The following CD28 variants were observed in gnomAD, a reference collection of about 807,000 sequenced individuals.
CD28 encodes the protein T-cell-specific surface glycoprotein CD28.
In CD28, 8 loss-of-function variants were observed where a neutral mutation model predicts 21.4. The ratio of observed to expected loss-of-function variants is 0.37; its 90% confidence interval spans 0.22 to 0.68. CD28 has a LOEUF of 0.68. CD28 is among the 30% of genes least tolerant of loss of function. The pLI, the probability that CD28 is intolerant of heterozygous loss-of-function variation, is 0.55. For missense variants in CD28, 239 were observed against 272.2 expected (o/e 0.88, Z 0.86); for synonymous variants, 106 against 104.0 (o/e 1.02, Z -0.12).
intron 2 of CD28, among the ~76,000 whole-genome samples, chr2:203,727,860 T>C (rs1421769262): frequency 2.0e-5 from 3 of 152,158 alleles, no homozygotes; most frequent in Admixed American, 6.5e-5. Flanking sequence ...TTTGTATTTT[T>C]AGTAGACAGG....
chr2:203,723,436 A>C (rs1693655858), intron 1 of CD28, among the ~76,000 whole-genome samples: 1 of 151,940 alleles, frequency 6.6e-6, no homozygotes, highest in Non-Finnish European at 1.5e-5. Context: ...GCAGTGAGCC[A>C]AGATCATGCC....
intron 1 of CD28, among the ~76,000 whole-genome samples, chr2:203,721,543 AAC>A (rs1693605583): frequency 6.6e-6 from 1 of 151,588 alleles, no homozygotes; most frequent in African/African-American, 2.4e-5. Context: ...CCCCAGCCCA[AAC>A]ACACACTCTC....
chr2:203,707,697 C>T (rs1693197480), intron 1 of CD28, among the ~76,000 whole-genome samples: 1 of 152,132 alleles, frequency 6.6e-6, no homozygotes, highest in African/African-American at 2.4e-5. Context: ...GATGAAGAGA[C>T]TGAGGGGTAG....
chr2:203,728,365 A>G (rs1693806175), intron 2 of CD28, among the ~76,000 whole-genome samples: 1 of 152,224 alleles, frequency 6.6e-6, no homozygotes, highest in Non-Finnish European at 1.5e-5. Flanking sequence ...CAGTATTGGT[A>G]GCAACAAGTA....
intron 2 of CD28, among the ~76,000 whole-genome samples, chr2:203,728,480 A>G (rs1693808781): frequency 6.6e-6 from 1 of 152,240 alleles, no homozygotes; most frequent in Non-Finnish European, 1.5e-5. Context: ...ATCCTAGCAT[A>G]ATGCCAATGA....
intron 1 of CD28, among the ~76,000 whole-genome samples, chr2:203,719,463 C>T (rs1423307680): frequency 6.6e-6 from 1 of 152,236 alleles, no homozygotes. Flanking sequence ...CTGGTACCAT[C>T]CTCCCTATCA....
intron 1 of CD28, among the ~76,000 whole-genome samples, chr2:203,707,222 G>T (rs369755076): frequency 8.6e-5 from 13 of 151,518 alleles, no homozygotes; most frequent in East Asian, 3.9e-4. Context: ...TAAGTAGATT[G>T]GCTCTGGAAG....
Position 203,713,852 on chromosome 2 carries a change from G to GGAGAGA in CD28, c.52+7123_52+7128dup, listed in dbSNP as rs57737764. ...CTGGACCTGAGAGAGAGAGAGAGAGGGAGAGAGAGAGAGAGAGAGAGAGAC... is the reference window on the plus strand; with the variant it reads ...CTGGACCTGAGAGAGAGAGAGAGAGGGAGAGAGAGAGAGAGAGAGAGAGAGAGAGAC... On this transcript the variant is annotated intron_variant, in intron 1 of 3. Transcript: ENST00000324106. Among the ~76,000 whole-genome samples, 293 of 141,768 alleles carry GGAGAGA rather than the reference G, an allele frequency of 2.1e-3. 4 individuals are homozygous for GGAGAGA. Among genetic ancestry groups the GGAGAGA allele is most frequent in the African/African-American group, 6.4e-3 (241 of 37,504 alleles). The allele number at this position is 141,768 out of a possible 152,430, so 93.0% of individuals were successfully genotyped here. A position where few individuals can be genotyped will look rare whatever the true frequency, so the allele number is the denominator to read the frequency against.
At chr2:203,721,811 G>A (rs1382991488) in intron 1 of CD28, among the ~76,000 whole-genome samples, 1 of 152,072 alleles carries the variant, frequency 6.6e-6, no homozygotes, top group African/African-American at 2.4e-5. Flanking sequence ...GAATTGAGTG[G>A]CATTCATTTT....
At chr2:203,730,653 G>C (rs957179172) in intron 3 of CD28, among the ~76,000 whole-genome samples, 1 of 152,258 alleles carries the variant, frequency 6.6e-6, no homozygotes, top group Middle Eastern at 3.4e-3. Context: ...TATTTCTCTT[G>C]ATAGTCTCCA....
At chr2:203,728,555 G>T (rs115950632) in intron 2 of CD28, among the ~76,000 whole-genome samples, 1,580 of 152,288 alleles carry the variant, frequency 0.01, 28 homozygotes, top group African/African-American at 0.037. Context: ...AATAAGGAAA[G>T]AATTGTTAAT....
chr2:203,713,463 C>G (rs1693370305), intron 1 of CD28, among the ~76,000 whole-genome samples: 1 of 152,006 alleles, frequency 6.6e-6, no homozygotes, highest in Admixed American at 6.6e-5. Context: ...CAGGGGGACA[C>G]AGTGAGGCTA....
At chr2:203,706,529 T>C (rs1559548001), upstream of CD28, 3 of 1,553,486 alleles carry the variant, frequency 1.9e-6, no homozygotes, top group Middle Eastern at 1.7e-4. Flanking sequence ...TCAGGATGCC[T>C]TGTGGTTTGA....
Position 203,734,957 on chromosome 2 carries a change from G to A in CD28, c.*45G>A. Reference sequence around the variant, plus strand: ...GCCAGCCGGCTGGCAGCCCCCATCTGCTCAATATCACTGCTCTGGATAGGA... The same window carrying A: ...GCCAGCCGGCTGGCAGCCCCCATCTACTCAATATCACTGCTCTGGATAGGA... On this transcript the variant is annotated 3_prime_UTR_variant, in exon 4 of 4. Transcript: ENST00000324106. The A allele has an allele frequency of 1.9e-6, 3 of 1,602,726 alleles. No homozygotes were observed. Among genetic ancestry groups the A allele is most frequent in the Non-Finnish European group, 2.6e-6 (3 of 1,173,846 alleles).
chr2:203,708,521 C>G (rs1171650134), intron 1 of CD28, among the ~76,000 whole-genome samples: 1 of 152,220 alleles, frequency 6.6e-6, no homozygotes, highest in African/African-American at 2.4e-5. Context: ...GGACACCTAT[C>G]TGTCATCAAC....
In CD28 at chr2:203,736,565, T is replaced by C. The variant is rs1001931705; in HGVS notation, c.*1653T>C. 1.3e-5 allele frequency: 2 copies of C among 152,198 alleles called. No individual in the cohort carries two copies. The highest frequency in any genetic ancestry group is 2.9e-5 in the Non-Finnish European group (2 of 68,036). The allele number at this position is 152,198 out of a possible 1,614,324, so 9.4% of individuals were successfully genotyped here. On this transcript the variant is annotated 3_prime_UTR_variant, in exon 4 of 4. Coordinates refer to ENST00000324106, the MANE Select transcript of CD28 (RefSeq NM_006139.4). Reference sequence around the variant, plus strand: ...GTAAGGCCTGACCCTGAAATGACCATGGATATTTTTCTACCTACAGTTTGA... The same window carrying C: ...GTAAGGCCTGACCCTGAAATGACCACGGATATTTTTCTACCTACAGTTTGA...
At chr2:203,729,134 A>T (rs1368015503) in intron 2 of CD28, among the ~76,000 whole-genome samples, 2 of 152,186 alleles carry the variant, frequency 1.3e-5, no homozygotes, top group African/African-American at 4.8e-5. Context: ...TGATTCCTAA[A>T]GATACAAAGT....
At chr2:203,712,268 T>C (rs1292869196) in intron 1 of CD28, among the ~76,000 whole-genome samples, 1 of 152,090 alleles carries the variant, frequency 6.6e-6, no homozygotes, top group African/African-American at 2.4e-5. Flanking sequence ...GTTAACTGAG[T>C]TCTCTCTGCT....
intron 3 of CD28, among the ~76,000 whole-genome samples, chr2:203,730,483 G>A (rs553633009): frequency 6.6e-6 from 1 of 152,136 alleles, no homozygotes; most frequent in Non-Finnish European, 1.5e-5. Flanking sequence ...AGTTAAGAAC[G>A]TACCCCTGAG....
Sources: gnomAD v4.1 joint callset for allele counts (sites outside exome capture counted in the v4.1 genomes callset) on GRCh38, gnomAD v4.1.1 for gene constraint, MANE v1.5 for transcripts, NCBI Gene and HGNC (gene_info 2026-07-23, HGNC 2026-07-21) for gene names.